TXK: variants seen among roughly 807,000 people sequenced by gnomAD.
The protein encoded by TXK is tyrosine-protein kinase TXK.
TXK carries 60 observed loss-of-function variants against 81.0 expected under a neutral mutation model. The ratio of observed to expected loss-of-function variants is 0.74; its 90% CI spans 0.60 to 0.92. The LOEUF is 0.92. Ranked by LOEUF, TXK falls within the 40% of genes least tolerant of loss-of-function variation. The pLI is 0.00. For missense variants in TXK, 581 were observed against 638.3 expected (o/e 0.91, Z 0.97); for synonymous variants, 203 against 210.7 (o/e 0.96, Z 0.32).
At chr4:48,094,248 A>G (rs1717893880) in intron 7 of TXK, 44 bp from the exon 8 acceptor site, 5 of 1,604,050 alleles carry the variant, frequency 3.1e-6, no homozygotes, top group East Asian at 2.2e-5. Context: ...TGAAAGATCA[A>G]TTTGGATCTA....
chr4:48,084,990 T>A (rs559201360), intron 10 of TXK, among the ~76,000 whole-genome samples: 1 of 152,198 alleles, frequency 6.6e-6, no homozygotes. Flanking sequence ...GGGTCAGAAC[T>A]AAATTTCTCT....
intron 1 of TXK, among the ~76,000 whole-genome samples, chr4:48,130,764 G>A (rs1384208059): frequency 1.3e-5 from 2 of 152,136 alleles, no homozygotes; most frequent in African/African-American, 4.8e-5. Flanking sequence ...TAACAAAGTT[G>A]GTGTGAGAAT....
rs576075861 is a variant in TXK, at chr4:48,074,069, T to A, written c.1239-16A>T. 6.3e-7 allele frequency: 1 copy of A among 1,575,542 alleles called. No homozygotes were observed. The highest frequency in any genetic ancestry group is 1.7e-5 in the Admixed American group (1 of 59,820). On this transcript the variant is annotated splice_polypyrimidine_tract_variant and intron_variant, in intron 12 of 14. Transcript: ENST00000264316. ...CAAAACGTACCTAAGTTTATCAGAT[T>A]CAAAGCATATTGTGTTAATTACCTC...
chr4:48,116,978 C>T (rs1372237649), intron 1 of TXK, among the ~76,000 whole-genome samples: 2 of 152,134 alleles, frequency 1.3e-5, no homozygotes, highest in East Asian at 3.9e-4. Flanking sequence ...CTCTACCTCC[C>T]AGGTTCAAGT....
At chr4:48,102,765 C>T (rs1018285267) in intron 6 of TXK, among the ~76,000 whole-genome samples, 3 of 152,110 alleles carry the variant, frequency 2.0e-5, no homozygotes, top group African/African-American at 7.2e-5. Flanking sequence ...TATGCTAATA[C>T]ACAGTTAAAG....
At chr4:48,126,274 C>A (rs1455516151) in intron 1 of TXK, among the ~76,000 whole-genome samples, 1 of 152,212 alleles carries the variant, frequency 6.6e-6, no homozygotes. Context: ...CACTTTCACT[C>A]CATGAATAGT....
chr4:48,109,676 C>T (rs1718574915), intron 5 of TXK, among the ~76,000 whole-genome samples: 1 of 152,190 alleles, frequency 6.6e-6, no homozygotes. Flanking sequence ...ATAAAGTCTA[C>T]ATTATCCACC....
intron 4 of TXK, 61 bp downstream of exon 4, chr4:48,112,246 C>G: frequency 6.7e-7 from 1 of 1,492,346 alleles, no homozygotes. Context: ...GCCTGAGTCA[C>G]TAAGTAGTCT....
intron 1 of TXK, among the ~76,000 whole-genome samples, chr4:48,118,412 C>T (rs975030636): frequency 5.3e-5 from 8 of 152,154 alleles, no homozygotes; most frequent in African/African-American, 1.9e-4. Flanking sequence ...ATGCTGCATG[C>T]TTATGAAGCT....
chr4:48,112,977 C>T (rs1239958758), intron 3 of TXK, among the ~76,000 whole-genome samples: 1 of 151,866 alleles, frequency 6.6e-6, no homozygotes, highest in Non-Finnish European at 1.5e-5. Context: ...ATGTTTTTTC[C>T]CACTCATTGC....
chr4:48,074,659 T>A (rs1716994791), intron 12 of TXK, among the ~76,000 whole-genome samples: 1 of 152,246 alleles, frequency 6.6e-6, no homozygotes, highest in African/African-American at 2.4e-5. Context: ...TTTTGAGAAT[T>A]GTACACCGGG....
At position 48,109,670 on chromosome 4, in the gene TXK, A is replaced by C. The variant is rs116143171; in HGVS notation, c.446+868T>G. The stretch of plus-strand genomic sequence containing the variant: ...GTCATCTCCTTCTCTCCTCCAATAA[A>C]GTCTACATTATCCACCAAAGCTTTT... On this transcript the variant is annotated intron_variant, in intron 5 of 14. Coordinates refer to ENST00000264316, the MANE Select transcript of TXK (RefSeq NM_003328.3). 6.7e-3 allele frequency among the ~76,000 whole-genome samples: 1,026 copies of C among 152,348 alleles called. 14 individuals carry two copies. The highest frequency in any genetic ancestry group is 0.023 in the African/African-American group (965 of 41,568).
intron 1 of TXK, among the ~76,000 whole-genome samples, chr4:48,123,935 C>T (rs1719021058): frequency 6.6e-6 from 1 of 152,172 alleles, no homozygotes; most frequent in Non-Finnish European, 1.5e-5. Flanking sequence ...ACAGACACGT[C>T]GTGCATTTCT....
At chr4:48,085,540 A>G (rs1357691223) in intron 10 of TXK, among the ~76,000 whole-genome samples, 1 of 152,150 alleles carries the variant, frequency 6.6e-6, no homozygotes. Context: ...CCCCACCTTC[A>G]AGCCTGGAAA....
chr4:48,092,672 A>G (rs1717823770), intron 8 of TXK, among the ~76,000 whole-genome samples: 1 of 150,812 alleles, frequency 6.6e-6, no homozygotes, highest in South Asian at 2.1e-4. Flanking sequence ...GCATGTTTAT[A>G]GGGTTAAAAG....
chr4:48,091,145 G>A (rs1475278202), intron 8 of TXK, among the ~76,000 whole-genome samples: 1 of 152,192 alleles, frequency 6.6e-6, no homozygotes, highest in Non-Finnish European at 1.5e-5. Context: ...GATGCATATA[G>A]GGTGCCTTGG....
chr4:48,111,841 G>A (rs75351417), intron 4 of TXK, among the ~76,000 whole-genome samples: 2,312 of 152,250 alleles, frequency 0.015, 53 homozygotes, highest in African/African-American at 0.051. Context: ...CTGCATCCCA[G>A]GGTCTTTTTT....
intron 1 of TXK, among the ~76,000 whole-genome samples, chr4:48,132,589 T>C (rs952097822): frequency 6.6e-6 from 1 of 152,136 alleles, no homozygotes; most frequent in African/African-American, 2.4e-5. Context: ...CATTTATATA[T>C]GTGTGTATGT....
chr4:48,110,639 G>C, intron 4 of TXK, 36 bp from the exon 5 acceptor site: 3 of 1,539,098 alleles, frequency 1.9e-6, no homozygotes, highest in Non-Finnish European at 2.7e-6. Context: ...CAAAATGCTT[G>C]GCATGTTTGT....
Sources: allele counts gnomAD v4.1 joint callset (sites outside exome capture counted in the v4.1 genomes callset), GRCh38; gene constraint gnomAD v4.1.1; transcripts MANE v1.5; gene names NCBI Gene and HGNC (gene_info 2026-07-23, HGNC 2026-07-21).